Variants in TULP4 observed in about 807,000 individuals in gnomAD.
The protein encoded by TULP4 is TUB like protein 4.
TULP4 carries 16 observed loss-of-function variants against 129.0 expected under a neutral mutation model. The observed-to-expected ratio is 0.12, with a 90% CI of 0.08 to 0.19. The LOEUF is 0.19. TULP4 is among the 10% of genes least tolerant of loss of function. TULP4 has a pLI of 1.00. For synonymous variants in TULP4, 998 were observed against 854.0 expected (o/e 1.17, Z -2.94); for missense variants, 1,842 against 2,059.1 (o/e 0.89, Z 2.04).
chr6:158,262,846 T>C (rs1430899396), intron 1 of TULP4, among the ~76,000 whole-genome samples: 1 of 152,174 alleles, frequency 6.6e-6, no homozygotes, highest in African/African-American at 2.4e-5. Flanking sequence ...TTTGGAATTG[T>C]TTTGCTTTTG....
chr6:158,481,865 C>G (rs138671529), intron 8 of TULP4, among the ~76,000 whole-genome samples: 3 of 152,268 alleles, frequency 2.0e-5, no homozygotes, highest in African/African-American at 7.2e-5. Flanking sequence ...TCAAGATGCT[C>G]CCTGCACATC....
chr6:158,458,404 G>A (rs1779342781), intron 5 of TULP4, among the ~76,000 whole-genome samples: 1 of 152,156 alleles, frequency 6.6e-6, no homozygotes, highest in African/African-American at 2.4e-5. Context: ...AAACATAGAT[G>A]CTTCCAGAGT....
intron 1 of TULP4, among the ~76,000 whole-genome samples, chr6:158,253,073 T>C (rs1778174168): frequency 6.6e-6 from 1 of 152,234 alleles, no homozygotes; most frequent in South Asian, 2.1e-4. Flanking sequence ...AGAAATCCCA[T>C]GCGAATTGTC....
intron 13 of TULP4, among the ~76,000 whole-genome samples, chr6:158,505,934 G>A (rs760335931): frequency 1.3e-4 from 19 of 151,886 alleles, no homozygotes; most frequent in Non-Finnish European, 2.1e-4. Flanking sequence ...TGCATAATGG[G>A]GGGTGGGCTT....
At chr6:158,477,984 T>C (rs950079050) in intron 6 of TULP4, among the ~76,000 whole-genome samples, 6 of 152,272 alleles carry the variant, frequency 3.9e-5, no homozygotes, top group African/African-American at 1.4e-4. Flanking sequence ...GAGGCCACTA[T>C]CCTTAGCAAA....
intron 7 of TULP4, among the ~76,000 whole-genome samples, 166 bp downstream of exon 7, chr6:158,480,141 G>A (rs1779906954): frequency 6.6e-6 from 1 of 152,200 alleles, no homozygotes; most frequent in South Asian, 2.1e-4. Context: ...GAAGCATCAT[G>A]GTCCATGTCC....
In TULP4 at chr6:158,240,701, C is replaced by A. The variant is rs1172514529; in HGVS notation, n.68+8398C>A. ...GGCAGCTGGCCAGGCGGGGGGCTGACCCCCCCCACCTCCCTCCCGGACGGG... is the reference window on the plus strand; with the variant it reads ...GGCAGCTGGCCAGGCGGGGGGCTGAACCCCCCCACCTCCCTCCCGGACGGG... On this transcript the variant is annotated intron_variant and non_coding_transcript_variant, in intron 1 of 1. Transcript: ENST00000620026. Among the ~76,000 whole-genome samples the A allele has an allele frequency of 7.0e-5, 5 of 71,148 alleles. 1 individual carries two copies. The highest frequency in any genetic ancestry group is 6.2e-4 in the East Asian group (1 of 1,610). 46.7% of individuals were successfully genotyped at this position (71,148 alleles called of 152,430 possible).
intron 8 of TULP4, among the ~76,000 whole-genome samples, chr6:158,489,137 C>T (rs1780136763): frequency 6.6e-6 from 1 of 152,184 alleles, no homozygotes; most frequent in Admixed American, 6.5e-5. Context: ...GGACCTGACT[C>T]TGTCAGGACT....
intron 1 of TULP4, among the ~76,000 whole-genome samples, chr6:158,235,927 G>A (rs9459735): frequency 0.61 from 93,268 of 152,030 alleles, 29,033 homozygotes; most frequent in Middle Eastern, 0.65. Context: ...TCTTTAAAAT[G>A]AGGACCCATG....
At chr6:158,405,070 C>T (rs1182013247) in intron 1 of TULP4, among the ~76,000 whole-genome samples, 1 of 152,090 alleles carries the variant, frequency 6.6e-6, no homozygotes, top group East Asian at 1.9e-4. Flanking sequence ...GCAGTACCTC[C>T]TTCTAAGATG....
chr6:158,485,265 A>G (rs575973182), intron 8 of TULP4, among the ~76,000 whole-genome samples: 2 of 152,260 alleles, frequency 1.3e-5, no homozygotes, highest in Non-Finnish European at 2.9e-5. Flanking sequence ...AAAAGGAGAA[A>G]GATGAATGGA....
chr6:158,418,764 T>C (rs1778272287), intron 2 of TULP4, among the ~76,000 whole-genome samples: 1 of 152,116 alleles, frequency 6.6e-6, no homozygotes, highest in Non-Finnish European at 1.5e-5. Flanking sequence ...CAAGACCAAG[T>C]CTCTAGACAA....
At chr6:158,466,368 T>C (rs1779554234) in intron 6 of TULP4, among the ~76,000 whole-genome samples, 1 of 152,220 alleles carries the variant, frequency 6.6e-6, no homozygotes, top group South Asian at 2.1e-4. Flanking sequence ...GCCAACATTG[T>C]CATTTTTCTG....
chr6:158,361,663 G>A (rs1017533629), intron 1 of TULP4, among the ~76,000 whole-genome samples: 2 of 152,066 alleles, frequency 1.3e-5, no homozygotes, highest in African/African-American at 4.8e-5. Context: ...ATTAATATAT[G>A]TACTTTCTCA....
At chr6:158,403,133 T>G (rs929959982) in intron 1 of TULP4, among the ~76,000 whole-genome samples, 1 of 152,158 alleles carries the variant, frequency 6.6e-6, no homozygotes, top group Non-Finnish European at 1.5e-5. Context: ...ATCTTCCCAG[T>G]GGTTTGCTGT....
At chr6:158,239,650 A>C (rs1583664816) in intron 1 of TULP4, among the ~76,000 whole-genome samples, 2 of 51,642 alleles carry the variant, frequency 3.9e-5, no homozygotes, top group African/African-American at 1.3e-4. Context: ...TGACCCCCCC[A>C]CCTCCCTCCC....
intron 1 of TULP4, among the ~76,000 whole-genome samples, chr6:158,358,122 A>G (rs1780689770): frequency 1.3e-5 from 2 of 152,170 alleles, no homozygotes; most frequent in African/African-American, 4.8e-5. Context: ...AGACCTTTCA[A>G]CCTTTCAGGA....
At chr6:158,287,630 T>G (rs1320557263) in intron 1 of TULP4, among the ~76,000 whole-genome samples, 2 of 152,188 alleles carry the variant, frequency 1.3e-5, no homozygotes, top group African/African-American at 4.8e-5. Context: ...AAGACCATAC[T>G]TACTAGGGAG....
intron 6 of TULP4, among the ~76,000 whole-genome samples, chr6:158,463,756 A>G (rs1201675394): frequency 4.0e-5 from 6 of 150,624 alleles, no homozygotes; most frequent in East Asian, 3.9e-4. Flanking sequence ...AGAGGCAGGG[A>G]TACCAGATAT....
Sources: allele counts gnomAD v4.1 joint callset (sites outside exome capture counted in the v4.1 genomes callset), GRCh38; gene constraint gnomAD v4.1.1; transcripts MANE v1.5; gene names NCBI Gene and HGNC (gene_info 2026-07-23, HGNC 2026-07-21).